EPHA5: variants seen among roughly 807,000 people sequenced by gnomAD.
The protein encoded by EPHA5 is EPH receptor A5, also known as ephrin type-A receptor 5.
A neutral mutation model predicts 105.0 loss-of-function variants in EPHA5; 60 were observed. The ratio of observed to expected loss-of-function variants is 0.57; its 90% CI spans 0.46 to 0.71. The LOEUF is 0.71. EPHA5 is among the 30% of genes least tolerant of loss of function. EPHA5 has a pLI of 0.00. For missense variants in EPHA5, 1,218 were observed against 1,274.7 expected (o/e 0.96, Z 0.68); for synonymous variants, 513 against 449.1 (o/e 1.14, Z -1.80).
rs573953908 is a variant in EPHA5 at position 65,424,219 on chromosome 4, CAA to C, written c.1403-3656_1403-3655del. 2.0e-4 allele frequency among the ~76,000 whole-genome samples: 30 copies of C among 152,024 alleles called. 1 individual carries two copies. In the South Asian group the frequency reaches 6.0e-3, roughly 30 times the overall value. Reference sequence around the variant, plus strand: ...ACCTCTAATATCCCAATGACACAAACAATGATATCAATGATATACAAAATCCT... The same window carrying C: ...ACCTCTAATATCCCAATGACACAAACTGATATCAATGATATACAAAATCCT... On this transcript the variant is annotated intron_variant, in intron 5 of 16. Coordinates refer to ENST00000613740, the MANE Select transcript of EPHA5 (RefSeq NM_001281766.3).
At chr4:65,541,414 A>G (rs72614765) in intron 3 of EPHA5, among the ~76,000 whole-genome samples, 36,809 of 151,612 alleles carry the variant, frequency 0.24, 4,595 homozygotes, top group African/African-American at 0.28. Context: ...AATTTACCAA[A>G]CAAATGGAAA....
chr4:65,441,407 A>G (rs557272243), intron 5 of EPHA5, among the ~76,000 whole-genome samples: 9 of 152,240 alleles, frequency 5.9e-5, no homozygotes, highest in Non-Finnish European at 1.3e-4. Flanking sequence ...TGCAAAGTAT[A>G]TTTATAGTAT....
At chr4:65,623,569 G>A (rs776665778) in intron 2 of EPHA5, among the ~76,000 whole-genome samples, 1 of 152,094 alleles carries the variant, frequency 6.6e-6, no homozygotes, top group African/African-American at 2.4e-5. Flanking sequence ...GAGATACAGT[G>A]TTTCTCTTAC....
intron 3 of EPHA5, among the ~76,000 whole-genome samples, chr4:65,525,230 G>A (rs1398281605): frequency 6.6e-6 from 1 of 151,404 alleles, no homozygotes; most frequent in Non-Finnish European, 1.5e-5. Flanking sequence ...GCATTTGGCA[G>A]GAAATACTAT....
chr4:65,331,130 A>C, intron 16 of EPHA5: 2 of 1,035,638 alleles, frequency 1.9e-6, no homozygotes, highest in South Asian at 9.2e-5. Context: ...ACCTTACAAT[A>C]TTTTAACCTT....
intron 14 of EPHA5, among the ~76,000 whole-genome samples, chr4:65,339,145 C>T (rs555034368): frequency 1.3e-5 from 2 of 152,070 alleles, no homozygotes; most frequent in African/African-American, 4.8e-5. Context: ...TTCCTAAAAA[C>T]ATAACTTAGC....
At chr4:65,667,170 G>A (rs1403327575) in intron 1 of EPHA5, among the ~76,000 whole-genome samples, 3 of 152,014 alleles carry the variant, frequency 2.0e-5, no homozygotes, top group African/African-American at 7.2e-5. Flanking sequence ...CTCTAAAAAA[G>A]CCCAAACATT....
intron 5 of EPHA5, among the ~76,000 whole-genome samples, chr4:65,455,545 C>T (rs936501035): frequency 2.0e-5 from 3 of 152,108 alleles, no homozygotes; most frequent in African/African-American, 7.2e-5. Context: ...TTTATTTTAA[C>T]ACTGTGAGGA....
intron 5 of EPHA5, among the ~76,000 whole-genome samples, chr4:65,489,650 G>A (rs936504617): frequency 7.9e-5 from 12 of 152,054 alleles, no homozygotes; most frequent in African/African-American, 2.9e-4. Flanking sequence ...GTTTATATTC[G>A]GTTTTTATCT....
intron 3 of EPHA5, among the ~76,000 whole-genome samples, chr4:65,560,103 A>G (rs1172493339): frequency 2.0e-5 from 3 of 152,138 alleles, no homozygotes; most frequent in Non-Finnish European, 2.9e-5. Context: ...GGGAAGAATT[A>G]TAATTTATTG....
At chr4:65,646,776 T>C (rs1232209708) in intron 1 of EPHA5, among the ~76,000 whole-genome samples, 1 of 152,144 alleles carries the variant, frequency 6.6e-6, no homozygotes, top group African/African-American at 2.4e-5. Context: ...TGAACCAAAA[T>C]AATACTTCAA....
intron 3 of EPHA5, among the ~76,000 whole-genome samples, chr4:65,575,279 A>G (rs1420515634): frequency 6.6e-6 from 1 of 152,046 alleles, no homozygotes; most frequent in Non-Finnish European, 1.5e-5. Flanking sequence ...AGCTACCCAA[A>G]TCAGTGGGCT....
At chr4:65,623,380 TTTCA>T (rs1745869462) in intron 2 of EPHA5, among the ~76,000 whole-genome samples, 1 of 151,788 alleles carries the variant, frequency 6.6e-6, no homozygotes, top group African/African-American at 2.4e-5. Flanking sequence ...TTATTTGTTC[TTTCA>T]TTCAACAATT....
At chr4:65,619,170 C>T (rs935948422) in intron 2 of EPHA5, among the ~76,000 whole-genome samples, 1 of 151,936 alleles carries the variant, frequency 6.6e-6, no homozygotes, top group African/African-American at 2.4e-5. Flanking sequence ...AAACAAATTA[C>T]ATTTACAATC....
intron 5 of EPHA5, among the ~76,000 whole-genome samples, chr4:65,480,667 T>C (rs1005714179): frequency 2.6e-5 from 4 of 152,148 alleles, no homozygotes; most frequent in Non-Finnish European, 4.4e-5. Flanking sequence ...TGTCATTCAT[T>C]GTTCAACAGC....
At chr4:65,593,039 A>T (rs1443100109) in intron 3 of EPHA5, among the ~76,000 whole-genome samples, 1 of 152,188 alleles carries the variant, frequency 6.6e-6, no homozygotes, top group Non-Finnish European at 1.5e-5. Context: ...TCATTAGAAC[A>T]TGGATGCACC....
At chr4:65,335,701 A>C (rs1721105586) in intron 15 of EPHA5, among the ~76,000 whole-genome samples, 1 of 151,946 alleles carries the variant, frequency 6.6e-6, no homozygotes, top group South Asian at 2.1e-4. Flanking sequence ...CATTTTTCTG[A>C]AACCTGGCAT....
intron 3 of EPHA5, among the ~76,000 whole-genome samples, chr4:65,570,390 T>A (rs1739998922): frequency 6.6e-6 from 1 of 151,778 alleles, no homozygotes; most frequent in Non-Finnish European, 1.5e-5. Flanking sequence ...AAAGTTTTAG[T>A]TTTTGCTATG....
At chr4:65,660,810 TTGAGGCA>T (rs35423640) in intron 1 of EPHA5, among the ~76,000 whole-genome samples, 40,996 of 151,698 alleles carry the variant, frequency 0.27, 6,003 homozygotes, top group Non-Finnish European at 0.33. Flanking sequence ...CATGGGCCAC[TTGAGGCA>T]TGAGCAAAGT....
Sources: gnomAD v4.1 joint callset for allele counts (sites outside exome capture counted in the v4.1 genomes callset) on GRCh38, gnomAD v4.1.1 for gene constraint, MANE v1.5 for transcripts, NCBI Gene and HGNC (gene_info 2026-07-23, HGNC 2026-07-21) for gene names.